The following PCLO variants were observed in gnomAD, a reference collection of about 807,000 sequenced individuals.
PCLO encodes protein piccolo.
PCLO carries 82 observed loss-of-function variants against 427.5 expected under a neutral mutation model. The observed-to-expected ratio is 0.19, with a 90% CI of 0.16 to 0.23. PCLO has a LOEUF of 0.23. Among genes scored for constraint, PCLO ranks in the 10% least tolerant of loss-of-function variants. PCLO has a pLI of 1.00. For synonymous variants in PCLO, 2,357 were observed against 2,155.4 expected (o/e 1.09, Z -2.59); for missense variants, 6,239 against 6,115.9 (o/e 1.02, Z -0.67).
chr7:82,787,195 T>G (rs1300199949), intron 22 of PCLO, among the ~76,000 whole-genome samples: 1 of 152,120 alleles, frequency 6.6e-6, no homozygotes, highest in Admixed American at 6.5e-5. Context: ...TAATTTACAC[T>G]CCCACCAAGA....
intron 3 of PCLO, among the ~76,000 whole-genome samples, chr7:83,087,831 C>T (rs1424689655): frequency 2.0e-5 from 3 of 152,068 alleles, no homozygotes; most frequent in Non-Finnish European, 2.9e-5. Flanking sequence ...ATAGTTTTGA[C>T]ATAATTCATA....
intron 6 of PCLO, among the ~76,000 whole-genome samples, chr7:82,921,866 C>G (rs1794602590): frequency 6.6e-6 from 1 of 151,468 alleles, no homozygotes; most frequent in East Asian, 1.9e-4. Context: ...TATCCAGAAC[C>G]TATAAGGCAC....
At position 82,915,196 on chromosome 7, in the gene PCLO, G is replaced by T; in HGVS notation, c.12790C>A (p.Leu4264Met). Residue 4264 changes from leucine to methionine, a missense_variant, in exon 7 of 25, where the codon CTG (leucine) becomes ATG (methionine). Around this residue, in one of 5 missense-constraint regions of PCLO, gnomAD observed 680 missense variants for 677.3 expected, o/e 1.00. Coordinates refer to ENST00000333891, the MANE Select transcript of PCLO (RefSeq NM_033026.6). The stretch of plus-strand genomic sequence containing the variant: ...CGTATGGTATTTCCTAATGTGCCCA[G>T]TCCTGTGCCAAGAGAAGATCCCATA... ...KFMGSSLGTG[L>M]GTLGNTIRSA... 1 of 1,610,482 alleles carries T rather than the reference G, an allele frequency of 6.2e-7. No homozygotes were observed. Among genetic ancestry groups the T allele is most frequent in the South Asian group, 1.1e-5 (1 of 90,732 alleles).
At chr7:82,942,942 T>C (rs138323154) in intron 6 of PCLO, among the ~76,000 whole-genome samples, 179 of 152,228 alleles carry the variant, frequency 1.2e-3, no homozygotes, top group Admixed American at 0.01. Context: ...TGCTTTCTTA[T>C]ATTGCTTTTC....
chr7:82,897,289 T>G (rs527490283), intron 9 of PCLO, among the ~76,000 whole-genome samples: 1 of 151,746 alleles, frequency 6.6e-6, no homozygotes, highest in East Asian at 1.9e-4. Context: ...TGTTGCCTTG[T>G]GTTTTGCTGA....
intron 3 of PCLO, among the ~76,000 whole-genome samples, chr7:83,016,528 G>A (rs1788211796): frequency 6.6e-6 from 1 of 152,046 alleles, no homozygotes; most frequent in African/African-American, 2.4e-5. Context: ...GGCTTCAAAG[G>A]AAGGTTATTG....
At chr7:82,908,410 T>G in intron 8 of PCLO, among the ~76,000 whole-genome samples, 1 of 152,106 alleles carries the variant, frequency 6.6e-6, no homozygotes, top group East Asian at 1.9e-4. Flanking sequence ...CATTTCCATA[T>G]AATAGATCCA....
intron 3 of PCLO, among the ~76,000 whole-genome samples, chr7:83,126,854 A>C (rs2116586891): frequency 6.6e-6 from 1 of 152,250 alleles, no homozygotes; most frequent in Non-Finnish European, 1.5e-5. Flanking sequence ...GCAACAATGC[A>C]ATATAATTTC....
At chr7:83,144,947 A>G (rs1466632886) in intron 2 of PCLO, among the ~76,000 whole-genome samples, 1 of 152,190 alleles carries the variant, frequency 6.6e-6, no homozygotes, top group Admixed American at 6.5e-5. Context: ...AACAAAGAGT[A>G]GAAGTGTCAT....
intron 10 of PCLO, among the ~76,000 whole-genome samples, chr7:82,878,470 C>A (rs80061163): frequency 1.3e-5 from 2 of 152,180 alleles, no homozygotes; most frequent in South Asian, 2.1e-4. Flanking sequence ...TACTTTGTGA[C>A]AATGTTCATT....
chr7:82,847,279 C>A, intron 10 of PCLO, 32 bp from the exon 11 acceptor site: 2 of 1,221,892 alleles, frequency 1.6e-6, no homozygotes, highest in Non-Finnish European at 2.4e-6. Context: ...TAAAATCAAA[C>A]GTGTGCTATC....
chr7:82,786,081 A>C (rs1266214912), intron 22 of PCLO, among the ~76,000 whole-genome samples: 1 of 152,180 alleles, frequency 6.6e-6, no homozygotes, highest in Non-Finnish European at 1.5e-5. Context: ...ATCAGTGTGG[A>C]CACTAGGCAT....
At chr7:82,907,858 T>C (rs1179435193) in intron 8 of PCLO, among the ~76,000 whole-genome samples, 1 of 151,956 alleles carries the variant, frequency 6.6e-6, no homozygotes, top group Admixed American at 6.6e-5. Context: ...TGCTTAGAAA[T>C]AAATCAAATC....
At chr7:83,028,771 T>G (rs1788575754) in intron 3 of PCLO, among the ~76,000 whole-genome samples, 1 of 150,128 alleles carries the variant, frequency 6.7e-6, no homozygotes, top group Non-Finnish European at 1.5e-5. Flanking sequence ...TATAGATCAA[T>G]GGAACAGAAC....
At chr7:82,815,977 G>A (rs953845500) in intron 20 of PCLO, among the ~76,000 whole-genome samples, 3 of 151,960 alleles carry the variant, frequency 2.0e-5, no homozygotes, top group Admixed American at 6.6e-5. Flanking sequence ...TTTATATTTC[G>A]GATATAATTT....
intron 3 of PCLO, among the ~76,000 whole-genome samples, chr7:82,968,543 T>C (rs1469334541): frequency 5.2e-5 from 7 of 135,386 alleles, no homozygotes; most frequent in African/African-American, 1.1e-4. Flanking sequence ...TTTTTTGAGA[T>C]GGAGTCTCAC....
Position 82,965,888 on chromosome 7 carries a change from A to G in PCLO, c.3900T>C (p.Ser1300=). Residue 1300 remains serine (S), a synonymous_variant, in exon 4 of 25, where the codon TCT becomes TCC. Coordinates refer to ENST00000333891, the MANE Select transcript of PCLO (RefSeq NM_033026.6). ...QPQTKMEGLP[S]GTPQSLPKED... ...CTTTAGGTAAACTCTGAGGTGTGCC[A>G]GATGGTAAACCTTCCATCTTGGTCT... 2.5e-6 allele frequency: 4 copies of G among 1,613,942 alleles called. No homozygotes were observed. The highest frequency in any genetic ancestry group is 3.4e-6 in the Non-Finnish European group (4 of 1,179,864).
Position 82,950,533 on chromosome 7 carries a change from G to A in PCLO, c.10055C>T (p.Thr3352Ile). The change falls in exon 6 of 25, where the codon ACT (threonine) becomes ATT (isoleucine). Residue 3352 changes from threonine to isoleucine, a missense_variant. Physicochemically the swap from Thr to Ile is moderately conservative, Grantham distance 89. This residue lies in a region of PCLO where 4,677 missense variants were observed against 4,468.4 expected (regional missense o/e 1.05). Transcript: ENST00000333891. Reference protein sequence around the residue: ...AALEGSQFWATEDATTTASAV... With the variant: ...AALEGSQFWAIEDATTTASAV... ...TGAAGCTGTGGTGGTTGCATCTTCA[G>A]TTGCCCAAAATTGACTGCCTTCCAG... 3.1e-6 allele frequency: 5 copies of A among 1,613,818 alleles called. No homozygotes were observed. The highest frequency in any genetic ancestry group is 3.4e-6 in the Non-Finnish European group (4 of 1,179,848).
At position 82,956,380 on chromosome 7, in the gene PCLO, G is replaced by C. The variant is rs902864934; in HGVS notation, c.4573C>G (p.Pro1525Ala). Residue 1525 changes from proline (P) to alanine (A), a missense_variant, in exon 5 of 25, where the codon CCA (proline) becomes GCA (alanine). Around this residue, in one of 5 missense-constraint regions of PCLO, gnomAD observed 4,677 missense variants for 4,468.4 expected, o/e 1.05. Transcript: ENST00000333891. The stretch of plus-strand genomic sequence containing the variant: ...ACACTAGTTCTTCGTTTTCTTTGTG[G>C]AACAGGTGAGTTTTCACTTTCACTA... The part of the protein sequence containing the change: ...ESSESENSPV[P>A]QRKRRTSVGS... 41 of 1,613,322 alleles carry C rather than the reference G, an allele frequency of 2.5e-5. No individual in the cohort carries two copies. Among genetic ancestry groups the C allele is most frequent in the Non-Finnish European group, 3.4e-5 (40 of 1,179,836 alleles).
Sources: allele counts gnomAD v4.1 joint callset (sites outside exome capture counted in the v4.1 genomes callset), GRCh38; gene constraint gnomAD v4.1.1; regional missense constraint gnomAD v4.1.1; transcripts MANE v1.5; gene names NCBI Gene and HGNC (gene_info 2026-07-23, HGNC 2026-07-21).